Variants in FREM1 observed in about 807,000 individuals in gnomAD.
FREM1 encodes the protein FRAS1 related extracellular matrix 1, also known as FRAS1-related extracellular matrix protein 1.
Under a neutral mutation model 210.1 loss-of-function variants are expected in FREM1, and 220 were observed. That is an observed-to-expected ratio of 1.05 (90% confidence interval 0.94 to 1.17). FREM1 has a LOEUF of 1.17. Ranked by LOEUF, FREM1 falls within the 50% of genes most tolerant of loss-of-function variation. FREM1 has a pLI of 0.00. For synonymous variants in FREM1, 1,189 were observed against 980.2 expected (o/e 1.21, Z -3.98); for missense variants, 3,454 against 2,675.5 (o/e 1.29, Z -6.42).
intron 3 of FREM1, among the ~76,000 whole-genome samples, chr9:14,861,453 T>C (rs1181662088): frequency 6.7e-6 from 1 of 149,562 alleles, no homozygotes; most frequent in African/African-American, 2.5e-5. Context: ...AATAATCCCA[T>C]CTTAATAAAT....
At chr9:14,815,919 A>G (rs1193839961) in intron 15 of FREM1, among the ~76,000 whole-genome samples, 1 of 152,172 alleles carries the variant, frequency 6.6e-6, no homozygotes, top group African/African-American at 2.4e-5. Context: ...AAGTGCTGGG[A>G]TTACAGGTGT....
chr9:14,877,644 G>A (rs935342587), intron 1 of FREM1, among the ~76,000 whole-genome samples: 1 of 152,074 alleles, frequency 6.6e-6, no homozygotes, highest in Non-Finnish European at 1.5e-5. Context: ...GGGCTCTCCT[G>A]CTGAACATGA....
chr9:14,756,310 G>T, intron 29 of FREM1, 64 bp downstream of exon 29: 3 of 1,153,552 alleles, frequency 2.6e-6, no homozygotes, highest in Non-Finnish European at 3.7e-6. Context: ...ACAATCTCCA[G>T]ACATGCCTAC....
intron 21 of FREM1, among the ~76,000 whole-genome samples, chr9:14,793,514 TACCAGAGCC>T (rs1851786485): frequency 2.6e-5 from 4 of 152,226 alleles, no homozygotes; most frequent in African/African-American, 9.6e-5. Flanking sequence ...CTGCTGATCC[TACCAGAGCC>T]ACCACTGCTG....
At chr9:14,875,700 T>A (rs938218199) in intron 1 of FREM1, among the ~76,000 whole-genome samples, 1 of 152,244 alleles carries the variant, frequency 6.6e-6, no homozygotes, top group African/African-American at 2.4e-5. Flanking sequence ...CCATCCAGCT[T>A]TGTTCCGTTG....
chr9:14,770,680 C>A lies in FREM1; in HGVS notation c.4984G>T (p.Asp1662Tyr). The change falls in exon 26 of 37, where the codon GAC becomes TAC. Residue 1662 changes from aspartate (D) to tyrosine (Y), a missense_variant. Transcript: ENST00000380880. ...AAGATGATCTGATCGTCCTCAGTGT[C>A]AGGGTCTGATGCCTTCAACACGCGG... Reference protein sequence around the residue: ...TSRVLKASDPDTEDDQIIFKI... With the variant: ...TSRVLKASDPYTEDDQIIFKI... 6.2e-7 allele frequency: 1 copy of A among 1,613,544 alleles called. No homozygotes were observed. Among genetic ancestry groups the A allele is most frequent in the Non-Finnish European group, 8.5e-7 (1 of 1,179,568 alleles).
chr9:14,806,277 G>A lies in FREM1; in HGVS notation c.3274+384C>T, dbSNP rs561170150. The stretch of plus-strand genomic sequence containing the variant: ...ACTTTTTTTTTTTTTTTTTTGAGAC[G>A]GAGTTTCCGCTCCTGCTGTCCAGAT... On this transcript the variant is annotated intron_variant, in intron 18 of 36. Transcript: ENST00000380880. 6.1e-3 allele frequency among the ~76,000 whole-genome samples: 564 copies of A among 91,876 alleles called. 4 individuals carry two copies. Among genetic ancestry groups the A allele is most frequent in the Non-Finnish European group, 9.4e-3 (405 of 43,192 alleles). The allele number at this position is 91,876 out of a possible 152,430, so 60.3% of individuals were successfully genotyped here. A position where few individuals can be genotyped will look rare whatever the true frequency, so the allele number is the denominator to read the frequency against.
At chr9:14,870,486 T>A (rs1030227661) in intron 1 of FREM1, among the ~76,000 whole-genome samples, 4 of 152,010 alleles carry the variant, frequency 2.6e-5, no homozygotes, top group African/African-American at 9.7e-5. Flanking sequence ...TGCTGTTGTC[T>A]TTGTTTTTTT....
In FREM1 at chr9:14,808,100, G is replaced by C; in HGVS notation, c.2928C>G (p.Thr976=). 1 of 1,612,032 alleles carries C rather than the reference G, an allele frequency of 6.2e-7. No homozygotes were observed. Among genetic ancestry groups the C allele is most frequent in the East Asian group, 2.2e-5 (1 of 44,848 alleles). Residue 976 remains threonine (T), a synonymous_variant, in exon 17 of 37, where the codon ACC becomes ACG. Coordinates refer to ENST00000380880, the MANE Select transcript of FREM1 (RefSeq NM_001379081.2). The stretch of plus-strand genomic sequence containing the variant: ...CTCCATCCGAAACCACCAATGTAAT[G>C]GTGTCAAAACAAGGCATCAGGCCAA... ...GEIGLMPCFD[T]ITLVVSDGEA... is the part of the protein sequence containing the mutation.
chr9:14,777,225 T>G (rs898714405), intron 24 of FREM1, among the ~76,000 whole-genome samples: 2 of 152,246 alleles, frequency 1.3e-5, no homozygotes, highest in African/African-American at 4.8e-5. Flanking sequence ...GTGCTTTTGA[T>G]TCTATTGATC....
intron 16 of FREM1, among the ~76,000 whole-genome samples, chr9:14,812,462 C>G (rs1351041262): frequency 6.6e-6 from 1 of 152,102 alleles, no homozygotes; most frequent in Non-Finnish European, 1.5e-5. Context: ...ACCTTAGGAG[C>G]TTGCTTCAGG....
chr9:14,879,020 C>A (rs1226794093), intron 1 of FREM1, among the ~76,000 whole-genome samples: 1 of 151,674 alleles, frequency 6.6e-6, no homozygotes, highest in Non-Finnish European at 1.5e-5. Flanking sequence ...AGCCAGGCAT[C>A]GTGGCAGGCG....
chr9:14,804,553 C>A (rs1175392740), intron 19 of FREM1, among the ~76,000 whole-genome samples: 5 of 152,144 alleles, frequency 3.3e-5, no homozygotes, highest in Non-Finnish European at 7.4e-5. Context: ...CCACTGCACT[C>A]CAGCCTGGGC....
chr9:14,748,493 G>T lies in FREM1; in HGVS notation c.5704C>A (p.Gln1902Lys), dbSNP rs1383436744. 1 of 1,613,706 alleles carries T rather than the reference G, an allele frequency of 6.2e-7. No individual in the cohort carries two copies. The highest frequency in any genetic ancestry group is 2.2e-5 in the East Asian group (1 of 44,874). Reference protein sequence around the residue: ...LERRPLPSSMQLAVIRGDTLR... With the variant: ...LERRPLPSSMKLAVIRGDTLR... The stretch of plus-strand genomic sequence containing the variant: ...GTGTCTCCCCTGATGACTGCTAGCT[G>T]CATGGAAGATGGAAGAGGTCTTCTT... The change falls in exon 31 of 37, where the codon CAG becomes AAG. Residue 1902 changes from glutamine to lysine, a missense_variant. By Grantham distance (53) the Gln-to-Lys change is moderately conservative. Transcript: ENST00000380880.
At chr9:14,808,189 G>C in intron 16 of FREM1, 55 bp from the exon 17 acceptor site, 1 of 1,171,080 alleles carries the variant, frequency 8.5e-7, no homozygotes, top group Non-Finnish European at 1.2e-6. Flanking sequence ...AGAATACCAA[G>C]ATGAAATCTA....
Position 14,788,958 on chromosome 9 carries a change from C to T in FREM1, c.4138G>A (p.Ala1380Thr). The change falls in exon 23 of 37, where the codon GCT becomes ACT. Residue 1380 changes from alanine to threonine, a missense_variant. Ala to Thr is a moderately conservative substitution (Grantham distance 58, BLOSUM62 0). Coordinates refer to ENST00000380880, the MANE Select transcript of FREM1 (RefSeq NM_001379081.2). ...YLWDGNNRSP[A>T]LDCQITIKDM... ...TTGATGGTGATTTGACAGTCAAGAG[C>T]AGGGGACCTGTTGTTGCCATCCCAA... The T allele has an allele frequency of 6.2e-7, 1 of 1,613,040 alleles. No individual in the cohort carries two copies. Among genetic ancestry groups the T allele is most frequent in the Non-Finnish European group, 8.5e-7 (1 of 1,179,520 alleles).
At position 14,737,477 on chromosome 9, in the gene FREM1, C is replaced by G. The variant is rs750509181; in HGVS notation, c.6459G>C (p.Leu2153Phe). The change falls in exon 37 of 37, where the codon TTG (leucine) becomes TTC (phenylalanine). Residue 2153 changes from leucine (L) to phenylalanine (F), a missense_variant. By Grantham distance (22) the Leu-to-Phe change is conservative. Transcript: ENST00000380880. The stretch of plus-strand genomic sequence containing the variant: ...TTTGCCATTTCCCTTGTCTTTGAAC[C>G]AAAACACAGCTCTTTCCAAGCTTGG... The part of the protein sequence containing the change: ...QRSKLGKSCV[L>F]VQRQGKWQTK... 4 of 1,613,628 alleles carry G rather than the reference C, an allele frequency of 2.5e-6. No homozygotes were observed. In the African/African-American group the frequency reaches 4.0e-5, roughly 16 times the overall value.
rs188851610 is a variant in FREM1 at position 14,869,913 on chromosome 9, C to T, written c.-267-669G>A. Among the ~76,000 whole-genome samples the T allele has an allele frequency of 4.6e-5, 7 of 152,318 alleles. No individual in the cohort carries two copies. The East Asian group carries it at 5.8e-4, about 13-fold the overall frequency. ...GCTAATGACACAGCATATGGACATGCGTATTTATACTATCTACAATGCTAA... is the reference window on the plus strand; with the variant it reads ...GCTAATGACACAGCATATGGACATGTGTATTTATACTATCTACAATGCTAA... On this transcript the variant is annotated intron_variant, in intron 1 of 36. Coordinates refer to ENST00000380880, the MANE Select transcript of FREM1 (RefSeq NM_001379081.2).
intron 35 of FREM1, among the ~76,000 whole-genome samples, chr9:14,742,227 G>A (rs530467455): frequency 8.5e-5 from 13 of 152,100 alleles, no homozygotes; most frequent in Non-Finnish European, 1.8e-4. Flanking sequence ...AATTTTTCTG[G>A]CTATAGAAAT....
Sources: allele counts gnomAD v4.1 joint callset (sites outside exome capture counted in the v4.1 genomes callset), GRCh38; gene constraint gnomAD v4.1.1; transcripts MANE v1.5; gene names NCBI Gene and HGNC (gene_info 2026-07-23, HGNC 2026-07-21).